FREM2: variants seen among roughly 807,000 people sequenced by gnomAD.
FREM2 encodes FRAS1 related extracellular matrix 2.
Under a neutral mutation model 219.9 loss-of-function variants are expected in FREM2, and 119 were observed. The observed-to-expected ratio is 0.54, with a 90% CI of 0.47 to 0.63. The LOEUF (loss-of-function observed/expected upper bound fraction) is 0.63. Ranked by LOEUF, FREM2 falls within the 30% of genes least tolerant of loss-of-function variation. The probability of loss-of-function intolerance (pLI) is 0.00; values close to 1 mark genes in which losing one functional copy is unlikely to be tolerated. For missense variants in FREM2, 4,030 were observed against 3,993.6 expected (o/e 1.01, Z -0.25); for synonymous variants, 1,562 against 1,522.8 (o/e 1.03, Z -0.60).
intron 6 of FREM2, among the ~76,000 whole-genome samples, chr13:38,815,911 C>A (rs192740482): frequency 6.6e-6 from 1 of 152,302 alleles, no homozygotes; most frequent in Admixed American, 6.5e-5. Context: ...TAGACCCCAC[C>A]TCTGATATTG....
At chr13:38,764,805 A>G (rs370449941) in intron 3 of FREM2, among the ~76,000 whole-genome samples, 2 of 152,378 alleles carry the variant, frequency 1.3e-5, no homozygotes, top group African/African-American at 4.8e-5. Context: ...TAACAACAGT[A>G]AATTGTTAAA....
In FREM2 at chr13:38,880,535, G is replaced by T; in HGVS notation, c.9258G>T (p.Gln3086His). The T allele has an allele frequency of 5.0e-6, 8 of 1,614,172 alleles. No individual in the cohort carries two copies. Among genetic ancestry groups the T allele is most frequent in the Non-Finnish European group, 6.8e-6 (8 of 1,180,034 alleles). ...QHIALDRTKR[Q>H]IPHGRAPPDG... ...TTGCCCTGGACCGCACCAAGAGGCA[G>T]ATCCCCCATGGGAGAGCACCTCCAG... The change falls in exon 24 of 24, where the codon CAG (glutamine) becomes CAT (histidine). Residue 3086 changes from glutamine (Q) to histidine (H), a missense_variant. By Grantham distance (24) the Gln-to-His change is conservative. This residue lies in a region of FREM2 where 928 missense variants were observed against 1,042.9 expected (regional missense o/e 0.89). Transcript: ENST00000280481.
At chr13:38,858,163 C>T (rs1877630935) in intron 13 of FREM2, 130 bp downstream of exon 13, 4 of 821,218 alleles carry the variant, frequency 4.9e-6, no homozygotes, top group African/African-American at 3.4e-5. Flanking sequence ...AAGCCTTGAG[C>T]TTTGCATATA....
At position 38,712,960 on chromosome 13, in the gene FREM2, G is replaced by A. The variant is rs545150942; in HGVS notation, c.5263+15173G>A. ...CCCCATTTCTTTCAGTGGTATGTCT[G>A]TTTGCTCAACCATCTAAACATCTTT... On this transcript the variant is annotated intron_variant, in intron 2 of 23. Coordinates refer to ENST00000280481, the MANE Select transcript of FREM2 (RefSeq NM_207361.6). Among the ~76,000 whole-genome samples the A allele has an allele frequency of 2.0e-5, 3 of 152,208 alleles. No homozygotes were observed. In the East Asian group the frequency reaches 5.8e-4, roughly 29 times the overall value.
At chr13:38,778,770 C>G (rs1873984803) in intron 4 of FREM2, among the ~76,000 whole-genome samples, 1 of 152,040 alleles carries the variant, frequency 6.6e-6, no homozygotes, top group Non-Finnish European at 1.5e-5. Flanking sequence ...TGTAGCAAAC[C>G]TGTACTTGTA....
intron 2 of FREM2, among the ~76,000 whole-genome samples, chr13:38,740,856 C>G (rs1872214237): frequency 6.6e-6 from 1 of 152,164 alleles, no homozygotes; most frequent in African/African-American, 2.4e-5. Context: ...AGATAAGAAT[C>G]AGGACTTGCT....
At chr13:38,814,241 T>C (rs1387557511) in intron 6 of FREM2, among the ~76,000 whole-genome samples, 2 of 152,174 alleles carry the variant, frequency 1.3e-5, no homozygotes, top group Non-Finnish European at 1.5e-5. Context: ...CTGGATGGTA[T>C]TGATGCTTGT....
rs1346844217 is a variant in FREM2, at chr13:38,884,555, A to G, written c.*3768A>G. 1 of 152,208 alleles carries G rather than the reference A, an allele frequency of 6.6e-6. No individual in the cohort carries two copies. The highest frequency in any genetic ancestry group is 1.5e-5 in the Non-Finnish European group (1 of 68,034). The allele number at this position is 152,208 out of a possible 1,614,324, so 9.4% of individuals were successfully genotyped here. A position where few individuals can be genotyped will look rare whatever the true frequency, so the allele number is the denominator to read the frequency against. On this transcript the variant is annotated 3_prime_UTR_variant, in exon 24 of 24. Transcript: ENST00000280481. ...AATGTAAATGTTTTACAAATTTGAAACTTTCATAATTGTATTAATCAGAAA... is the reference window on the plus strand; with the variant it reads ...AATGTAAATGTTTTACAAATTTGAAGCTTTCATAATTGTATTAATCAGAAA...
At chr13:38,835,274 T>G (rs928506689) in intron 6 of FREM2, among the ~76,000 whole-genome samples, 3 of 152,222 alleles carry the variant, frequency 2.0e-5, no homozygotes, top group Non-Finnish European at 4.4e-5. Context: ...ATGGCGTTAC[T>G]TCTGAGGCCT....
At chr13:38,791,549 C>G (rs1193122748) in intron 6 of FREM2, among the ~76,000 whole-genome samples, 1 of 152,152 alleles carries the variant, frequency 6.6e-6, no homozygotes, top group Non-Finnish European at 1.5e-5. Context: ...AGGAAACTTA[C>G]AATCATGGCA....
chr13:38,715,400 C>T lies in FREM2; in HGVS notation c.5263+17613C>T, dbSNP rs17058477. Among the ~76,000 whole-genome samples, 5 of 152,028 alleles carry T rather than the reference C, an allele frequency of 3.3e-5. 1 individual carries two copies. The highest frequency in any genetic ancestry group is 3.3e-4 in the Admixed American group (5 of 15,276). On this transcript the variant is annotated intron_variant, in intron 2 of 23. Transcript: ENST00000280481. ...AATAAACGAAAAGTGGACTCTCTCC[C>T]CAGATGTTGGAAGACTTGACCAATA...
chr13:38,805,212 A>G (rs547671614), intron 6 of FREM2, among the ~76,000 whole-genome samples: 11 of 151,990 alleles, frequency 7.2e-5, no homozygotes, highest in South Asian at 2.1e-4. Context: ...AAGGTTATTA[A>G]TGATATAGCA....
intron 4 of FREM2, among the ~76,000 whole-genome samples, chr13:38,780,466 TCTC>T (rs1184788741): frequency 2.6e-5 from 4 of 152,156 alleles, no homozygotes; most frequent in African/African-American, 4.8e-5. Flanking sequence ...GGTTGCAAAA[TCTC>T]CTGATCAGGC....
rs377627650 is a variant in FREM2 at position 38,689,882 on chromosome 13, C to A, written c.2538C>A (p.Ile846=). The A allele has an allele frequency of 6.0e-5, 97 of 1,614,176 alleles. No homozygotes were observed. In the African/African-American group the frequency reaches 1.1e-3, roughly 19 times the overall value. The change falls in exon 1 of 24, where the codon ATC becomes ATA. Residue 846 remains isoleucine, a synonymous_variant. Coordinates refer to ENST00000280481, the MANE Select transcript of FREM2 (RefSeq NM_207361.6). The stretch of plus-strand genomic sequence containing the variant: ...CTATTCAGGAGAAGGGTCACCACAT[C>A]CTGAGTGAGACAGAGTTGCACGTGA... ...GFTIQEKGHH[I]LSETELHVND...
Position 38,872,797 on chromosome 13 carries a change from A to ACGTGTTCCATTC in FREM2, c.8041_8052dup (p.Val2681_Ser2684dup), listed in dbSNP as rs1878206041. On this transcript the variant is annotated inframe_insertion, in exon 17 of 24. Coordinates refer to ENST00000280481, the MANE Select transcript of FREM2 (RefSeq NM_207361.6). ...CTTCGAGTCCCTCTGTATGTTTCCT[A>ACGTGTTCCATTC]CGTGTTCCATTCCCCCGTGGGGGTA... 4 of 1,613,940 alleles carry ACGTGTTCCATTC rather than the reference A, an allele frequency of 2.5e-6. No individual in the cohort carries two copies. Among genetic ancestry groups the ACGTGTTCCATTC allele is most frequent in the Non-Finnish European group, 3.4e-6 (4 of 1,179,918 alleles).
intron 9 of FREM2, 115 bp downstream of exon 9, chr13:38,850,350 T>C (rs911051833): frequency 1.2e-6 from 1 of 831,756 alleles, no homozygotes. Flanking sequence ...GGCATGGTTT[T>C]ATGTGCAATA....
chr13:38,720,419 T>C (rs1215376615), intron 2 of FREM2, among the ~76,000 whole-genome samples: 1 of 152,204 alleles, frequency 6.6e-6, no homozygotes, highest in Admixed American at 6.5e-5. Context: ...CTTAAAGCTA[T>C]AGAACTCACA....
intron 3 of FREM2, among the ~76,000 whole-genome samples, chr13:38,766,634 G>A (rs912853062): frequency 2.0e-5 from 3 of 152,136 alleles, no homozygotes; most frequent in African/African-American, 7.2e-5. Flanking sequence ...GTACAGCTAA[G>A]AAACCATGAA....
At chr13:38,838,401 T>C (rs187340234) in intron 6 of FREM2, among the ~76,000 whole-genome samples, 40 of 152,326 alleles carry the variant, frequency 2.6e-4, no homozygotes, top group African/African-American at 8.9e-4. Context: ...CATTTTTTCC[T>C]TCATTTCAAC....
Sources: allele counts gnomAD v4.1 joint callset (sites outside exome capture counted in the v4.1 genomes callset), GRCh38; gene constraint gnomAD v4.1.1; regional missense constraint gnomAD v4.1.1; transcripts MANE v1.5; gene names NCBI Gene and HGNC (gene_info 2026-07-23, HGNC 2026-07-21).